GABRA2: variants seen among roughly 807,000 people sequenced by gnomAD.
The protein encoded by GABRA2 is gamma-aminobutyric acid type A receptor subunit alpha2.
In GABRA2, 16 loss-of-function variants were observed where a neutral mutation model predicts 48.7. That is an observed-to-expected ratio of 0.33 (90% CI 0.22 to 0.50). GABRA2 has a LOEUF of 0.50. Among genes scored for constraint, GABRA2 ranks in the 20% least tolerant of loss-of-function variants. GABRA2 has a pLI of 0.98. For missense variants in GABRA2, 275 were observed against 535.6 expected (o/e 0.51, Z 4.80); for synonymous variants, 185 against 184.5 (o/e 1.00, Z -0.02).
chr4:46,286,914 A>G (rs1462268022), intron 8 of GABRA2, among the ~76,000 whole-genome samples: 5 of 152,204 alleles, frequency 3.3e-5, no homozygotes, highest in African/African-American at 1.2e-4. Context: ...TACATACTCA[A>G]TAATGTTCTT....
intron 8 of GABRA2, among the ~76,000 whole-genome samples, chr4:46,267,792 A>G (rs543622637): frequency 8.6e-5 from 13 of 152,028 alleles, no homozygotes; most frequent in Non-Finnish European, 1.3e-4. Context: ...TTTTGTTTTT[A>G]TAACAGAATG....
Position 46,363,281 on chromosome 4 carries a change from C to T in GABRA2, c.187+22793G>A, listed in dbSNP as rs369121855. Reference sequence around the variant, plus strand: ...AGTATTAAGAGTTAGTGGAGACAGGCGATAAGTAAGCATTAACGGATAGAA... The same window carrying T: ...AGTATTAAGAGTTAGTGGAGACAGGTGATAAGTAAGCATTAACGGATAGAA... On this transcript the variant is annotated intron_variant, in intron 3 of 9. Transcript: ENST00000381620. Among the ~76,000 whole-genome samples the T allele has an allele frequency of 7.9e-5, 12 of 151,936 alleles. No homozygotes were observed. In the East Asian group the frequency reaches 2.1e-3, roughly 27 times the overall value.
At position 46,250,299 on chromosome 4, in the gene GABRA2, G is replaced by A; in HGVS notation, c.*9C>T. 1.2e-6 allele frequency: 2 copies of A among 1,601,496 alleles called. No homozygotes were observed. The highest frequency in any genetic ancestry group is 1.3e-5 in the African/African-American group (1 of 74,214). On this transcript the variant is annotated 3_prime_UTR_variant, in exon 10 of 10. Transcript: ENST00000381620. ...TGCTATACATCCCAAAGATAACATG[G>A]GTCTCAATTCAAGGACTGACCCCTA...
intron 8 of GABRA2, among the ~76,000 whole-genome samples, chr4:46,274,470 T>C (rs1720096643): frequency 6.6e-6 from 1 of 152,144 alleles, no homozygotes; most frequent in African/African-American, 2.4e-5. Flanking sequence ...GCATCATACA[T>C]TAAAGTGTTT....
chr4:46,373,714 C>T (rs986482342), intron 3 of GABRA2, among the ~76,000 whole-genome samples: 4 of 152,058 alleles, frequency 2.6e-5, no homozygotes, highest in Non-Finnish European at 4.4e-5. Flanking sequence ...CATTAACTCC[C>T]ATTGTTGTAT....
chr4:46,366,569 G>T (rs1475444420), intron 3 of GABRA2: 1 of 152,046 alleles, frequency 6.6e-6, no homozygotes, highest in African/African-American at 2.4e-5. Flanking sequence ...ATAATTAGGT[G>T]ACAAAAGGCA....
At chr4:46,341,496 T>C (rs1733231855) in intron 3 of GABRA2, among the ~76,000 whole-genome samples, 1 of 152,080 alleles carries the variant, frequency 6.6e-6, no homozygotes, top group African/African-American at 2.4e-5. Context: ...GCCTGTATTC[T>C]TTGTCTTTTG....
intron 8 of GABRA2, among the ~76,000 whole-genome samples, chr4:46,264,239 G>A (rs1717651230): frequency 6.6e-6 from 1 of 151,794 alleles, no homozygotes; most frequent in African/African-American, 2.4e-5. Flanking sequence ...GTTCGTTAAG[G>A]GTCTTCTATA....
At chr4:46,344,120 TA>T (rs529388612) in intron 3 of GABRA2, among the ~76,000 whole-genome samples, 15 of 151,452 alleles carry the variant, frequency 9.9e-5, no homozygotes, top group African/African-American at 3.6e-4. Flanking sequence ...CACCAAGAAA[TA>T]AAAAAGGACG....
At chr4:46,289,788 G>A (rs1723237371) in intron 8 of GABRA2, among the ~76,000 whole-genome samples, 1 of 152,064 alleles carries the variant, frequency 6.6e-6, no homozygotes, top group African/African-American at 2.4e-5. Flanking sequence ...ATTGATCTAT[G>A]TGTCTGTTCG....
intron 4 of GABRA2, among the ~76,000 whole-genome samples, chr4:46,315,071 T>C (rs188787151): frequency 5.2e-4 from 79 of 152,202 alleles, no homozygotes; most frequent in Admixed American, 4.7e-3. Context: ...CCAGACTGCT[T>C]TCCACAGTGG....
chr4:46,278,328 A>C (rs994510709), intron 8 of GABRA2, among the ~76,000 whole-genome samples: 1 of 152,124 alleles, frequency 6.6e-6, no homozygotes, highest in African/African-American at 2.4e-5. Flanking sequence ...TAGGATCCCT[A>C]TGGGGTAGAT....
intron 3 of GABRA2, chr4:46,364,941 CAT>C (rs1294166727): frequency 1.3e-5 from 2 of 152,150 alleles, no homozygotes; most frequent in Admixed American, 1.3e-4. Flanking sequence ...ATCTCCTACT[CAT>C]TTCAGTAAAT....
chr4:46,265,339 C>A (rs1717909178), intron 8 of GABRA2, among the ~76,000 whole-genome samples: 1 of 122,012 alleles, frequency 8.2e-6, no homozygotes, highest in African/African-American at 3.3e-5. Flanking sequence ...CGCGCCTTGC[C>A]ACTTTATATA....
At chr4:46,279,954 T>A (rs1721208643) in intron 8 of GABRA2, among the ~76,000 whole-genome samples, 1 of 152,136 alleles carries the variant, frequency 6.6e-6, no homozygotes, top group Non-Finnish European at 1.5e-5. Context: ...CGAATGGATT[T>A]TTTTTCTTAT....
At chr4:46,256,583 T>C (rs886729676) in intron 9 of GABRA2, among the ~76,000 whole-genome samples, 2 of 151,610 alleles carry the variant, frequency 1.3e-5, no homozygotes, top group Admixed American at 6.6e-5. Context: ...GGTGTTACTT[T>C]GGTCACCAAG....
chr4:46,296,749 C>G (rs1202933650), intron 8 of GABRA2, among the ~76,000 whole-genome samples: 1 of 151,464 alleles, frequency 6.6e-6, no homozygotes, highest in Non-Finnish European at 1.5e-5. Flanking sequence ...TCATCAATAC[C>G]AACTATGACC....
intron 8 of GABRA2, among the ~76,000 whole-genome samples, chr4:46,300,743 A>G (rs1276183784): frequency 6.6e-6 from 1 of 152,032 alleles, no homozygotes; most frequent in Non-Finnish European, 1.5e-5. Flanking sequence ...TCTACATGTT[A>G]GCCTAAATTA....
chr4:46,271,344 T>C (rs942906929), intron 8 of GABRA2, among the ~76,000 whole-genome samples: 4 of 152,040 alleles, frequency 2.6e-5, no homozygotes, highest in African/African-American at 9.6e-5. Flanking sequence ...TATATGCCTC[T>C]AGAAGGAAGT....
Sources: allele counts gnomAD v4.1 joint callset (sites outside exome capture counted in the v4.1 genomes callset), GRCh38; gene constraint gnomAD v4.1.1; transcripts MANE v1.5; gene names NCBI Gene and HGNC (gene_info 2026-07-23, HGNC 2026-07-21).